Variants in NAALADL2 observed in about 807,000 individuals in gnomAD.
NAALADL2 encodes N-acetylated alpha-linked acidic dipeptidase like 2.
A neutral mutation model predicts 87.2 loss-of-function variants in NAALADL2; 76 were observed. The observed-to-expected ratio is 0.87, with a 90% CI of 0.72 to 1.05. NAALADL2 has a LOEUF of 1.05. NAALADL2 is among the 50% of genes least tolerant of loss of function. NAALADL2 has a pLI of 0.00. For missense variants in NAALADL2, 1,089 were observed against 945.8 expected (o/e 1.15, Z -1.99); for synonymous variants, 354 against 331.0 (o/e 1.07, Z -0.75).
At chr3:175,347,728 C>A (rs1048376669) in intron 5 of NAALADL2, among the ~76,000 whole-genome samples, 1 of 152,028 alleles carries the variant, frequency 6.6e-6, no homozygotes, top group African/African-American at 2.4e-5. Context: ...TTAGACAATA[C>A]CGATTTCTTT....
chr3:174,658,428 T>G (rs1725186567), intron 2 of NAALADL2, among the ~76,000 whole-genome samples: 1 of 152,174 alleles, frequency 6.6e-6, no homozygotes, highest in Non-Finnish European at 1.5e-5. Context: ...TTTGGTGAGG[T>G]GTCTATTAAG....
chr3:175,395,130 T>A (rs1769603766), intron 5 of NAALADL2, among the ~76,000 whole-genome samples: 1 of 152,038 alleles, frequency 6.6e-6, no homozygotes, highest in South Asian at 2.1e-4. Flanking sequence ...ACTAAGTGAC[T>A]AATGGGCAGG....
At chr3:174,760,621 T>C (rs1712804185) in intron 3 of NAALADL2, among the ~76,000 whole-genome samples, 1 of 152,234 alleles carries the variant, frequency 6.6e-6, no homozygotes, top group Non-Finnish European at 1.5e-5. Flanking sequence ...GGCAGGTCTC[T>C]ACTGGATGGC....
At chr3:174,905,427 T>G (rs1732848770) in intron 1 of NAALADL2, among the ~76,000 whole-genome samples, 1 of 151,166 alleles carries the variant, frequency 6.6e-6, no homozygotes. Context: ...ACAATTCATG[T>G]ATTTTCAGTA....
chr3:174,685,843 C>T (rs1038177517), intron 2 of NAALADL2, among the ~76,000 whole-genome samples: 3 of 150,042 alleles, frequency 2.0e-5, no homozygotes, highest in Admixed American at 1.3e-4. Context: ...TTCCATAGGC[C>T]GCAGTGTGTG....
intron 11 of NAALADL2, among the ~76,000 whole-genome samples, chr3:175,691,796 C>T (rs189741490): frequency 2.6e-5 from 4 of 152,046 alleles, no homozygotes; most frequent in African/African-American, 4.8e-5. Flanking sequence ...ATAACTTAAC[C>T]TTTTAAGGTT....
At chr3:174,552,881 AGTT>A (rs974462065) in intron 2 of NAALADL2, among the ~76,000 whole-genome samples, 1 of 150,676 alleles carries the variant, frequency 6.6e-6, no homozygotes, top group Non-Finnish European at 1.5e-5. Flanking sequence ...AGTGATTTAT[AGTT>A]TCCTGAGTGT....
chr3:175,421,884 A>C lies in NAALADL2; in HGVS notation c.1091-25345A>C, dbSNP rs551113191. Among the ~76,000 whole-genome samples, 3 of 152,248 alleles carry C rather than the reference A, an allele frequency of 2.0e-5. No individual in the cohort carries two copies. The South Asian group carries it at 6.2e-4, about 32-fold the overall frequency. On this transcript the variant is annotated intron_variant, in intron 5 of 13. Coordinates refer to ENST00000454872, the MANE Select transcript of NAALADL2 (RefSeq NM_207015.3). ...TGAAGGAAATGAATGTGTGATCCACAGACATTTGAAGCAAAGTATAGGCCT... is the reference window on the plus strand; with the variant it reads ...TGAAGGAAATGAATGTGTGATCCACCGACATTTGAAGCAAAGTATAGGCCT...
rs887987661 is a variant in NAALADL2 at position 174,810,897 on chromosome 3, A to G, written c.-9+73151A>G. Among the ~76,000 whole-genome samples, 4 of 152,278 alleles carry G rather than the reference A, an allele frequency of 2.6e-5. No homozygotes were observed. The South Asian group carries it at 8.3e-4, about 32-fold the overall frequency. ...AAGAATAATATCATGGACCAGACCT[A>G]GGGCCCTGCCACCCTGTGCAGCCTT... On this transcript the variant is annotated intron_variant, in intron 3 of 3. Transcript: ENST00000434257.
chr3:175,030,661 A>C (rs1262583314), intron 1 of NAALADL2, among the ~76,000 whole-genome samples: 1 of 152,108 alleles, frequency 6.6e-6, no homozygotes, highest in Non-Finnish European at 1.5e-5. Context: ...TTGCAAAATT[A>C]GTTTGTAAAT....
chr3:175,367,841 C>T lies in NAALADL2; in HGVS notation c.1090+43516C>T, dbSNP rs568959835. On this transcript the variant is annotated intron_variant, in intron 5 of 13. Transcript: ENST00000454872. ...CTTCCTCTTTTCCTAACTGAATACC[C>T]TTTATTTCCTTCTCCTGCCTGATTG... 1.5e-3 allele frequency among the ~76,000 whole-genome samples: 235 copies of T among 152,244 alleles called. 2 individuals carry two copies. In the South Asian group the frequency reaches 0.016, roughly 10 times the overall value.
intron 2 of NAALADL2, among the ~76,000 whole-genome samples, chr3:174,593,780 T>C (rs919134145): frequency 6.6e-6 from 1 of 152,156 alleles, no homozygotes; most frequent in African/African-American, 2.4e-5. Flanking sequence ...CACTTACTTT[T>C]CTGGTTTGAT....
chr3:174,863,445 T>G (rs1726752224), intron 1 of NAALADL2, among the ~76,000 whole-genome samples: 1 of 152,060 alleles, frequency 6.6e-6, no homozygotes, highest in South Asian at 2.1e-4. Context: ...CATTAGCTTG[T>G]AAGACATTTA....
chr3:174,542,845 G>A (rs1044457763), intron 1 of NAALADL2, among the ~76,000 whole-genome samples: 2 of 152,198 alleles, frequency 1.3e-5, no homozygotes, highest in African/African-American at 4.8e-5. Flanking sequence ...TTGGGACTGG[G>A]AAAGATGTCC....
At chr3:175,463,724 G>GAGAGAGAGAGAGAGAC (rs145842620) in intron 7 of NAALADL2, among the ~76,000 whole-genome samples, 1,922 of 148,130 alleles carry the variant, frequency 0.013, 12 homozygotes, top group South Asian at 0.02. Flanking sequence ...GAGAGAGAGA[G>GAGAGAGAGAGAGAGAC]AGAGAGAGAG....
intron 5 of NAALADL2, among the ~76,000 whole-genome samples, chr3:175,352,448 G>T (rs1156353516): frequency 1.3e-5 from 2 of 152,100 alleles, no homozygotes; most frequent in African/African-American, 4.8e-5. Context: ...TACAATTACA[G>T]ATAATTTTGT....
At chr3:175,054,700 T>A (rs948877766) in intron 1 of NAALADL2, among the ~76,000 whole-genome samples, 10 of 152,184 alleles carry the variant, frequency 6.6e-5, no homozygotes, top group African/African-American at 2.4e-4. Flanking sequence ...AAAAATGATA[T>A]CTTAAACCTT....
intron 3 of NAALADL2, among the ~76,000 whole-genome samples, chr3:174,826,407 G>A (rs1005633770): frequency 6.6e-6 from 1 of 152,256 alleles, no homozygotes; most frequent in Admixed American, 6.5e-5. Flanking sequence ...TCTGTAAAAT[G>A]GGCATAGTAA....
chr3:175,609,029 G>A (rs1210396560), intron 10 of NAALADL2, among the ~76,000 whole-genome samples: 4 of 150,396 alleles, frequency 2.7e-5, no homozygotes, highest in Non-Finnish European at 5.9e-5. Flanking sequence ...GTAATTGTTT[G>A]TACTAAGCGC....
Sources: allele counts gnomAD v4.1 joint callset (sites outside exome capture counted in the v4.1 genomes callset), GRCh38; gene constraint gnomAD v4.1.1; transcripts MANE v1.5; gene names NCBI Gene and HGNC (gene_info 2026-07-23, HGNC 2026-07-21).